NRCAM: variants seen among roughly 807,000 people sequenced by gnomAD.
NRCAM encodes the protein neuronal cell adhesion molecule, also known as NgCAM-related cell adhesion molecule.
A neutral mutation model predicts 156.5 loss-of-function variants in NRCAM; 83 were observed. That is an observed-to-expected ratio of 0.53 (90% confidence interval 0.44 to 0.64). The LOEUF (loss-of-function observed/expected upper bound fraction) is 0.64, where lower values mean the gene tolerates loss of function less well. Among genes scored for constraint, NRCAM ranks in the 30% least tolerant of loss-of-function variants. NRCAM has a pLI of 0.00. For missense variants in NRCAM, 1,417 were observed against 1,597.3 expected (o/e 0.89, Z 1.92); for synonymous variants, 538 against 563.9 (o/e 0.95, Z 0.65).
intron 1 of NRCAM, among the ~76,000 whole-genome samples, chr7:108,449,458 T>A (rs1368706237): frequency 1.3e-5 from 2 of 152,164 alleles, no homozygotes; most frequent in Non-Finnish European, 1.5e-5. Context: ...CTTTCAGCTC[T>A]CTATTGAGGT....
At chr7:108,263,850 A>G (rs1386235993) in intron 3 of NRCAM, among the ~76,000 whole-genome samples, 1 of 152,198 alleles carries the variant, frequency 6.6e-6, no homozygotes, top group East Asian at 1.9e-4. Flanking sequence ...CTTGAACTTC[A>G]TTTACCCTAT....
At chr7:108,438,822 T>C (rs770039880) in intron 1 of NRCAM, among the ~76,000 whole-genome samples, 4 of 152,176 alleles carry the variant, frequency 2.6e-5, no homozygotes, top group East Asian at 1.9e-4. Flanking sequence ...ATTTTCTTTC[T>C]ATACATCACT....
intron 28 of NRCAM, among the ~76,000 whole-genome samples, chr7:108,168,763 G>A (rs868772490): frequency 1.3e-5 from 2 of 152,180 alleles, no homozygotes; most frequent in African/African-American, 2.4e-5. Context: ...AGGGACAGAC[G>A]TCATCATGGA....
At chr7:108,374,815 T>C (rs942016737) in intron 2 of NRCAM, among the ~76,000 whole-genome samples, 1 of 151,992 alleles carries the variant, frequency 6.6e-6, no homozygotes, top group Non-Finnish European at 1.5e-5. Context: ...TGATCAATGA[T>C]TAGGGAGAGC....
At chr7:108,339,010 C>A (rs2099243327) in intron 2 of NRCAM, among the ~76,000 whole-genome samples, 1 of 152,216 alleles carries the variant, frequency 6.6e-6, no homozygotes, top group Non-Finnish European at 1.5e-5. Context: ...GCACACCTCA[C>A]CAGTTCAGAA....
chr7:108,427,921 G>A (rs1428746790), intron 1 of NRCAM, among the ~76,000 whole-genome samples: 2 of 151,954 alleles, frequency 1.3e-5, no homozygotes, highest in Non-Finnish European at 2.9e-5. Flanking sequence ...AAATTTCAAG[G>A]CTCCCCTGTG....
At chr7:108,360,691 C>A (rs575037344) in intron 2 of NRCAM, among the ~76,000 whole-genome samples, 2 of 152,284 alleles carry the variant, frequency 1.3e-5, no homozygotes, top group East Asian at 3.9e-4. Context: ...CAAACCCTTA[C>A]ATTTATGGTC....
At chr7:108,227,971 T>C (rs1450964851) in intron 8 of NRCAM, among the ~76,000 whole-genome samples, 4 of 152,098 alleles carry the variant, frequency 2.6e-5, no homozygotes. Flanking sequence ...GGGGGTTTGG[T>C]TGGTGGTTGC....
intron 4 of NRCAM, 140 bp from the exon 5 acceptor site, chr7:108,237,909 G>A (rs17155301): frequency 1.2e-5 from 6 of 507,202 alleles, no homozygotes; most frequent in Admixed American, 4.3e-5. Context: ...CCTGTATAGT[G>A]AAGGTTGAAT....
chr7:108,155,982 A>G (rs1454673592), intron 32 of NRCAM, among the ~76,000 whole-genome samples: 1 of 152,100 alleles, frequency 6.6e-6, no homozygotes, highest in African/African-American at 2.4e-5. Flanking sequence ...AAATTCGGCA[A>G]CAGCAGGTAA....
At chr7:108,170,560 G>A (rs531517424) in intron 28 of NRCAM, among the ~76,000 whole-genome samples, 1 of 152,280 alleles carries the variant, frequency 6.6e-6, no homozygotes, top group South Asian at 2.1e-4. Flanking sequence ...TCCCTGCTTC[G>A]AGTTGTCCCT....
At chr7:108,207,790 T>C (rs544489782) in intron 12 of NRCAM, 131 bp from the exon 13 acceptor site, 12 of 660,340 alleles carry the variant, frequency 1.8e-5, no homozygotes, top group South Asian at 1.3e-4. Flanking sequence ...TTTGAGCGAA[T>C]AGATTTATAA....
intron 1 of NRCAM, among the ~76,000 whole-genome samples, chr7:108,449,703 C>G (rs1258447412): frequency 6.6e-6 from 1 of 152,264 alleles, no homozygotes; most frequent in Middle Eastern, 3.4e-3. Context: ...ATAAATCATG[C>G]CATTCAAATG....
chr7:108,269,992 G>A (rs1220848171), intron 3 of NRCAM, among the ~76,000 whole-genome samples: 1 of 152,176 alleles, frequency 6.6e-6, no homozygotes, highest in Non-Finnish European at 1.5e-5. Context: ...AAGAAACATT[G>A]CTTCTTTCCT....
chr7:108,364,355 C>G (rs1353362407), intron 2 of NRCAM, among the ~76,000 whole-genome samples: 3 of 152,110 alleles, frequency 2.0e-5, no homozygotes, highest in African/African-American at 7.2e-5. Flanking sequence ...CTGACAATAG[C>G]AAGTGTTGGT....
intron 2 of NRCAM, among the ~76,000 whole-genome samples, chr7:108,351,107 G>A (rs35971770): frequency 0.04 from 6,048 of 152,238 alleles, 196 homozygotes; most frequent in Non-Finnish European, 0.061. Flanking sequence ...CTGCTGACAA[G>A]TGGGACCTTA....
At chr7:108,280,125 C>A (rs1236898047) in intron 3 of NRCAM, among the ~76,000 whole-genome samples, 1 of 152,166 alleles carries the variant, frequency 6.6e-6, no homozygotes, top group Non-Finnish European at 1.5e-5. Context: ...AAAAAGACAC[C>A]AACAGAATCC....
At chr7:108,311,401 G>C (rs2300019) in intron 3 of NRCAM, among the ~76,000 whole-genome samples, 34,537 of 151,840 alleles carry the variant, frequency 0.23, 4,225 homozygotes, top group African/African-American at 0.28. Context: ...TAGAGGAGAG[G>C]GGTACATAAA....
chr7:108,195,842 T>C lies in NRCAM; in HGVS notation c.1382A>G (p.Asn461Ser), dbSNP rs1047507793. 2 of 1,613,300 alleles carry C rather than the reference T, an allele frequency of 1.2e-6. No individual in the cohort carries two copies. Among genetic ancestry groups the C allele is most frequent in the Admixed American group, 1.7e-5 (1 of 59,914 alleles). ...AEPPRILTPA[N>S]TLYQVIANRP... is the part of the protein sequence containing the mutation. The stretch of plus-strand genomic sequence containing the variant: ...GTTTGCAATGACCTGGTAGAGTGTG[T>C]TTGCAGGTGTGAGGATTCGTGGTGG... Residue 461 changes from asparagine (N) to serine (S), a missense_variant, in exon 15 of 33, where the codon AAC (asparagine) becomes AGC (serine). Around this residue, in one of 2 missense-constraint regions of NRCAM, gnomAD observed 1,238 missense variants for 1,336.4 expected, o/e 0.93. Transcript: ENST00000379028.
Sources: allele counts gnomAD v4.1 joint callset (sites outside exome capture counted in the v4.1 genomes callset), GRCh38; gene constraint gnomAD v4.1.1; regional missense constraint gnomAD v4.1.1; transcripts MANE v1.5; gene names NCBI Gene and HGNC (gene_info 2026-07-23, HGNC 2026-07-21).